The following SMURF2 variants were observed in gnomAD, a reference collection of about 807,000 sequenced individuals.
SMURF2 encodes SMAD specific E3 ubiquitin protein ligase 2.
A neutral mutation model predicts 109.6 loss-of-function variants in SMURF2; 48 were observed. That is an observed-to-expected ratio of 0.44 (90% CI 0.35 to 0.56). SMURF2 has a LOEUF of 0.56. SMURF2 is among the 20% of genes least tolerant of loss of function. The pLI, the probability that SMURF2 is intolerant of heterozygous loss-of-function variation, is 0.01. For missense variants in SMURF2, 575 were observed against 909.0 expected (o/e 0.63, Z 4.72); for synonymous variants, 288 against 317.1 (o/e 0.91, Z 0.97).
At position 64,580,725 on chromosome 17, in the gene SMURF2, C is replaced by G. The variant is rs1969566310; in HGVS notation, c.772+64G>C. 2.7e-6 allele frequency: 4 copies of G among 1,474,330 alleles called. No individual in the cohort carries two copies. The Admixed American group carries it at 7.1e-5, about 26-fold the overall frequency. 91.3% of individuals were successfully genotyped at this position (1,474,330 alleles called of 1,614,324 possible). On this transcript the variant is annotated intron_variant, in intron 8 of 18. Transcript: ENST00000262435. The stretch of plus-strand genomic sequence containing the variant: ...TAATAACTTTTTCAAAATATATTTT[C>G]TGACTTCCTCAGCAAACTGAAATCA...
chr17:64,661,824 CT>C lies in SMURF2; in HGVS notation c.52+4del. 1 of 1,222,980 alleles carries C rather than the reference CT, an allele frequency of 8.2e-7. No individual in the cohort carries two copies. Among genetic ancestry groups the C allele is most frequent in the Non-Finnish European group, 1.0e-6 (1 of 982,354 alleles). 75.8% of individuals were successfully genotyped at this position (1,222,980 alleles called of 1,614,324 possible). A position where few individuals can be genotyped will look rare whatever the true frequency, so the allele number is the denominator to read the frequency against. The stretch of plus-strand genomic sequence containing the variant: ...TGCCCAGCCCGGCCCGCCGCCCCCC[CT>C]CACCTGTCAGGCGCAGCTTGACGGG... On this transcript the variant is annotated splice_donor_region_variant and intron_variant, in intron 1 of 18. Coordinates refer to ENST00000262435, the MANE Select transcript of SMURF2 (RefSeq NM_022739.4).
At chr17:64,661,123 T>G (rs75560004) in intron 1 of SMURF2, among the ~76,000 whole-genome samples, 5,013 of 152,128 alleles carry the variant, frequency 0.033, 279 homozygotes, top group African/African-American at 0.11. Context: ...CGTTAGAAGT[T>G]AGACACAAGT....
intron 2 of SMURF2, among the ~76,000 whole-genome samples, chr17:64,599,709 C>A (rs1403158325): frequency 6.6e-6 from 1 of 152,190 alleles, no homozygotes; most frequent in African/African-American, 2.4e-5. Context: ...GTCTGATGAT[C>A]TGAGATGGAA....
intron 8 of SMURF2, among the ~76,000 whole-genome samples, chr17:64,579,408 T>C (rs1969548797): frequency 6.6e-6 from 1 of 152,172 alleles, no homozygotes; most frequent in African/African-American, 2.4e-5. Flanking sequence ...TATAAACGTA[T>C]AATGTCAATA....
chr17:64,587,448 C>T (rs189431460), intron 5 of SMURF2, among the ~76,000 whole-genome samples: 4 of 152,304 alleles, frequency 2.6e-5, no homozygotes, highest in Admixed American at 6.5e-5. Flanking sequence ...GAAAAAGTTA[C>T]GTTAAATTAT....
chr17:64,555,041 A>G (rs1969099536), intron 14 of SMURF2, 48 bp from the exon 15 acceptor site: 1 of 1,535,854 alleles, frequency 6.5e-7, no homozygotes, highest in Admixed American at 1.9e-5. Flanking sequence ...CCTAAAATAC[A>G]GACCCTATAG....
chr17:64,581,719 C>T lies in SMURF2; in HGVS notation c.570-728G>A, dbSNP rs1486921196. 4.6e-5 allele frequency among the ~76,000 whole-genome samples: 7 copies of T among 151,968 alleles called. 1 individual carries two copies. Among genetic ancestry groups the T allele is most frequent in the African/African-American group, 1.2e-4 (5 of 41,374 alleles). ...CAGCACTTTGGGAGACCGAAGCGAGCGGATCACTTGAGGTCAGGAGTTTGA... is the reference window on the plus strand; with the variant it reads ...CAGCACTTTGGGAGACCGAAGCGAGTGGATCACTTGAGGTCAGGAGTTTGA... On this transcript the variant is annotated intron_variant, in intron 7 of 18. Transcript: ENST00000262435. This position sits in a 1 kb window ranked among gnomAD's most constrained non-coding sequence, Gnocchi z 4.3.
At position 64,609,667 on chromosome 17, in the gene SMURF2, AC is replaced by A. The variant is rs1375742184; in HGVS notation, c.53-3028del. On this transcript the variant is annotated intron_variant, in intron 1 of 18. Coordinates refer to ENST00000262435, the MANE Select transcript of SMURF2 (RefSeq NM_022739.4). ...AAACGTAAGACTTAAAACCATAAAAACCCTAGAAGAAAACCTAGGCAATACC... is the reference window on the plus strand; with the variant it reads ...AAACGTAAGACTTAAAACCATAAAAACCTAGAAGAAAACCTAGGCAATACC... Among the ~76,000 whole-genome samples, 5 of 130,610 alleles carry A rather than the reference AC, an allele frequency of 3.8e-5. No homozygotes were observed. In the South Asian group the frequency reaches 7.0e-4, roughly 18 times the overall value. 85.7% of individuals were successfully genotyped at this position (130,610 alleles called of 152,430 possible).
chr17:64,616,026 C>A (rs1224739440), intron 1 of SMURF2, among the ~76,000 whole-genome samples: 3 of 151,892 alleles, frequency 2.0e-5, no homozygotes, highest in African/African-American at 7.3e-5. Flanking sequence ...GACAGGGTTT[C>A]CCCATGTTGG....
intron 1 of SMURF2, among the ~76,000 whole-genome samples, chr17:64,640,592 C>T (rs903785517): frequency 6.6e-6 from 1 of 151,940 alleles, no homozygotes; most frequent in East Asian, 1.9e-4. Context: ...ATTCATGAAG[C>T]TATACTGTGG....
chr17:64,633,141 G>A (rs561900346), intron 1 of SMURF2, among the ~76,000 whole-genome samples: 5 of 152,210 alleles, frequency 3.3e-5, no homozygotes, highest in Non-Finnish European at 5.9e-5. Flanking sequence ...GTGGTGGCAC[G>A]CACCTATAGT....
intron 3 of SMURF2, among the ~76,000 whole-genome samples, chr17:64,596,585 C>CAAAAAAAAAAAAAAAAAAAAA (rs201858792): frequency 8.8e-5 from 4 of 45,460 alleles, no homozygotes; most frequent in Admixed American, 4.6e-4. Context: ...GGAGAGTAAA[C>CAAAAAAAAAAAAAAAAAAAAA]AAAAAAAAAA....
At chr17:64,623,561 C>A (rs16947938) in intron 1 of SMURF2, among the ~76,000 whole-genome samples, 6 of 152,170 alleles carry the variant, frequency 3.9e-5, no homozygotes, top group African/African-American at 1.2e-4. Flanking sequence ...TTTATTCCAT[C>A]GCAAGCCAGA....
chr17:64,605,498 G>A (rs1027086922), intron 2 of SMURF2, among the ~76,000 whole-genome samples: 67 of 151,660 alleles, frequency 4.4e-4, no homozygotes, highest in African/African-American at 1.5e-3. Flanking sequence ...TGAGGTAGGA[G>A]GATCACTTGA....
chr17:64,620,713 T>C (rs1316364926), intron 1 of SMURF2, among the ~76,000 whole-genome samples: 1 of 152,244 alleles, frequency 6.6e-6, no homozygotes, highest in East Asian at 1.9e-4. Flanking sequence ...TTTCTCATTT[T>C]GCTTGTTAAA....
intron 16 of SMURF2, among the ~76,000 whole-genome samples, chr17:64,549,211 T>C (rs1175408647): frequency 1.3e-4 from 18 of 136,920 alleles, no homozygotes; most frequent in Admixed American, 5.0e-4. Context: ...AAGTAGAGGT[T>C]GTAGGGAGCT....
intron 1 of SMURF2, among the ~76,000 whole-genome samples, chr17:64,633,851 C>T (rs1248205597): frequency 6.6e-6 from 1 of 151,832 alleles, no homozygotes; most frequent in Non-Finnish European, 1.5e-5. Context: ...TACAAAGTTA[C>T]TGTAAAAACA....
intron 1 of SMURF2, among the ~76,000 whole-genome samples, chr17:64,630,776 CT>C (rs1568202603): frequency 6.6e-6 from 1 of 152,164 alleles, no homozygotes; most frequent in African/African-American, 2.4e-5. Flanking sequence ...TTCTTGAAGG[CT>C]CCAGCTAAGG....
intron 1 of SMURF2, among the ~76,000 whole-genome samples, chr17:64,633,963 C>CA (rs1332983853): frequency 6.6e-6 from 1 of 152,158 alleles, no homozygotes; most frequent in South Asian, 2.1e-4. Context: ...TTGAGACCAG[C>CA]ATGGCCAACA....
Sources: allele counts gnomAD v4.1 joint callset (sites outside exome capture counted in the v4.1 genomes callset), GRCh38; gene constraint gnomAD v4.1.1; non-coding constraint Gnocchi (gnomAD v3.1); transcripts MANE v1.5; gene names NCBI Gene and HGNC (gene_info 2026-07-23, HGNC 2026-07-21).